The following ZNF773 variants were observed in gnomAD, a reference collection of about 807,000 sequenced individuals.
ZNF773 encodes zinc finger protein 419B.
Under a neutral mutation model 12.8 loss-of-function variants are expected in ZNF773, and 11 were observed. That is an observed-to-expected ratio of 0.86 (90% CI 0.54 to 1.42). ZNF773 has a LOEUF of 1.42. ZNF773 is among the 40% of genes most tolerant of loss of function. The pLI, the probability that ZNF773 is intolerant of heterozygous loss-of-function variation, is 0.00. For missense variants in ZNF773, 518 were observed against 527.2 expected (o/e 0.98, Z 0.17); for synonymous variants, 175 against 178.4 (o/e 0.98, Z 0.15).
At chr19:57,511,754 C>T (rs2089797893), downstream of ZNF773, among the ~76,000 whole-genome samples, 1 of 151,506 alleles carries the variant, frequency 6.6e-6, no homozygotes, top group Admixed American at 6.6e-5. Flanking sequence ...CATACACACA[C>T]TCAAAACTAA....
At chr19:57,506,282 T>TCACA in intron 3 of ZNF773, 76 bp from the exon 4 acceptor site, 1 of 1,533,882 alleles carries the variant, frequency 6.5e-7, no homozygotes, top group Non-Finnish European at 8.7e-7. Flanking sequence ...TTACCAGGTG[T>TCACA]GTCAGACACG....
rs138317120 is a variant in ZNF773, at chr19:57,500,079, C to G, written c.-2C>G. On this transcript the variant is annotated 5_prime_UTR_variant, in exon 1 of 4. Coordinates refer to ENST00000282292, the MANE Select transcript of ZNF773 (RefSeq NM_198542.3). ...GTCGTTGTCTCACCGCCACAGGCTC[C>G]GATGGCGGCGGCCACGCTGAGGGAC... is the stretch of plus-strand genomic sequence containing the variant. The G allele has an allele frequency of 1.2e-6, 2 of 1,601,894 alleles. No homozygotes were observed. The highest frequency in any genetic ancestry group is 1.7e-6 in the Non-Finnish European group (2 of 1,175,864).
downstream of ZNF773, among the ~76,000 whole-genome samples, chr19:57,508,814 G>A (rs1448741774): frequency 2.0e-5 from 3 of 146,418 alleles, no homozygotes; most frequent in Admixed American, 6.7e-5. Context: ...GTGCTTATTC[G>A]TCACACGTAT....
Position 57,506,641 on chromosome 19 carries a change from G to A in ZNF773, c.546G>A (p.Glu182=), listed in dbSNP as rs1299162717. The A allele has an allele frequency of 1.9e-6, 3 of 1,614,220 alleles. No homozygotes were observed. The highest frequency in any genetic ancestry group is 2.5e-6 in the Non-Finnish European group (3 of 1,180,046). Residue 182 remains glutamate (E), a synonymous_variant, in exon 4 of 4, where the codon GAG becomes GAA. Transcript: ENST00000282292. ...EKSHRSSKSR[E]AFHAGKRHYK... ...CACATAGGAGCTCCAAAAGTAGGGAGGCCTTTCATGCTGGAAAAAGGCATT... is the reference window on the plus strand; with the variant it reads ...CACATAGGAGCTCCAAAAGTAGGGAAGCCTTTCATGCTGGAAAAAGGCATT...
downstream of ZNF773, chr19:57,516,411 CG>C (rs1400621384): frequency 6.6e-6 from 1 of 152,574 alleles, no homozygotes; most frequent in Admixed American, 6.5e-5. Context: ...GACCGGTACT[CG>C]GGAGCAACAC....
At chr19:57,505,780 G>A (rs2089724490) in intron 3 of ZNF773, among the ~76,000 whole-genome samples, 1 of 146,728 alleles carries the variant, frequency 6.8e-6, no homozygotes, top group African/African-American at 2.6e-5. Context: ...GCGTGATCTC[G>A]GCTCACTGCA....
chr19:57,511,096 C>A (rs2089791384), downstream of ZNF773, among the ~76,000 whole-genome samples: 1 of 150,460 alleles, frequency 6.6e-6, no homozygotes, highest in African/African-American at 2.5e-5. Context: ...GTCACCCAGG[C>A]TAGCGTGCAG....
intron 1 of ZNF773, among the ~76,000 whole-genome samples, 186 bp downstream of exon 1, chr19:57,500,299 G>T (rs1228333401): frequency 1.3e-5 from 2 of 152,108 alleles, no homozygotes; most frequent in African/African-American, 4.8e-5. Context: ...CATTCAGCGA[G>T]TCCCGAACCT....
exon 5 of ZNF773, chr19:57,518,222 C>G (rs988493867): frequency 1.3e-5 from 2 of 152,210 alleles, no homozygotes; most frequent in African/African-American, 4.8e-5. Flanking sequence ...GGCAGTCATA[C>G]CCCACGTGCA....
At chr19:57,501,281 CTTTT>C (rs11456589) in intron 1 of ZNF773, among the ~76,000 whole-genome samples, 3 of 137,496 alleles carry the variant, frequency 2.2e-5, no homozygotes. Flanking sequence ...CTTTTTCTTT[CTTTT>C]TTTTTTTTTT....
intron 1 of ZNF773, 51 bp from the exon 2 acceptor site, chr19:57,504,606 T>G: frequency 6.2e-7 from 1 of 1,605,740 alleles, no homozygotes; most frequent in Non-Finnish European, 8.5e-7. Context: ...GGGGGATGCC[T>G]AAATTCCCCA....
At chr19:57,514,163 A>G (rs2089817563), downstream of ZNF773, 1 of 152,238 alleles carries the variant, frequency 6.6e-6, no homozygotes, top group East Asian at 1.9e-4. Context: ...AGTTATTCAG[A>G]GAAACAAAAC....
At position 57,500,103 on chromosome 19, in the gene ZNF773, A is replaced by G. The variant is rs2089651679; in HGVS notation, c.23A>G (p.Asp8Gly). Reference protein sequence around the residue: MAAATLRDPAQQGYVTFE... With the variant: MAAATLRGPAQQGYVTFE... ...CCGATGGCGGCGGCCACGCTGAGGG[A>G]CCCCGCTCAGGTGAGCGCCGCGTCC... The change falls in exon 1 of 4, where the codon GAC (aspartate) becomes GGC (glycine). Residue 8 changes from aspartate to glycine, a missense_variant. Transcript: ENST00000282292. 1.2e-6 allele frequency: 2 copies of G among 1,604,844 alleles called. No individual in the cohort carries two copies. The highest frequency in any genetic ancestry group is 1.7e-6 in the Non-Finnish European group (2 of 1,177,362).
chr19:57,511,059 T>TATTTATTTA (rs761932978), downstream of ZNF773, among the ~76,000 whole-genome samples: 30,156 of 148,340 alleles, frequency 0.2, 3,205 homozygotes, highest in African/African-American at 0.25. Context: ...TTATTTATTT[T>TATTTATTTA]TTTTTTTTTT....
chr19:57,506,816 C>A lies in ZNF773; in HGVS notation c.721C>A (p.His241Asn). 1 of 1,614,202 alleles carries A rather than the reference C, an allele frequency of 6.2e-7. No individual in the cohort carries two copies. Among genetic ancestry groups the A allele is most frequent in the Non-Finnish European group, 8.5e-7 (1 of 1,180,028 alleles). ...KSNLFIHQIV[H>N]TGERPYGCSD... is the part of the protein sequence containing the mutation. ...CAACCTTTTTATACACCAAATAGTT[C>A]ACACTGGAGAAAGGCCTTATGGGTG... Residue 241 changes from histidine (H) to asparagine (N), a missense_variant, in exon 4 of 4, where the codon CAC becomes AAC. Coordinates refer to ENST00000282292, the MANE Select transcript of ZNF773 (RefSeq NM_198542.3).
downstream of ZNF773, among the ~76,000 whole-genome samples, chr19:57,510,507 C>T (rs1005429741): frequency 3.9e-5 from 6 of 152,106 alleles, no homozygotes; most frequent in African/African-American, 1.4e-4. Flanking sequence ...ACATTTATCA[C>T]TTCTCATTAA....
chr19:57,506,276 C>T lies in ZNF773; in HGVS notation c.263-82C>T, dbSNP rs2089731980. The T allele has an allele frequency of 2.6e-6, 4 of 1,531,172 alleles. No individual in the cohort carries two copies. In the East Asian group the frequency reaches 6.8e-5, roughly 26 times the overall value. 94.8% of individuals were successfully genotyped at this position (1,531,172 alleles called of 1,614,324 possible). A position where few individuals can be genotyped will look rare whatever the true frequency, so the allele number is the denominator to read the frequency against. On this transcript the variant is annotated intron_variant, in intron 3 of 3. Coordinates refer to ENST00000282292, the MANE Select transcript of ZNF773 (RefSeq NM_198542.3). ...GCAAGCAGTCCCACACGCTAATTAC[C>T]AGGTGTGTCAGACACGTGTGAGAGT...
rs1268750082 is a variant in ZNF773, at chr19:57,507,285, G to A, written c.1190G>A (p.Ser397Asn). Residue 397 changes from serine (S) to asparagine (N), a missense_variant, in exon 4 of 4, where the codon AGT becomes AAT. Transcript: ENST00000282292. Reference sequence around the variant, plus strand: ...TGCAATGAATGTGGGAGATTCTTTAGTGAGAATTCCAGCCTTGTTAAACAT... The same window carrying A: ...TGCAATGAATGTGGGAGATTCTTTAATGAGAATTCCAGCCTTGTTAAACAT... Reference protein sequence around the residue: ...FKCNECGRFFSENSSLVKHQR... With the variant: ...FKCNECGRFFNENSSLVKHQR... 6.2e-7 allele frequency: 1 copy of A among 1,611,404 alleles called. No individual in the cohort carries two copies.
intron 1 of ZNF773, among the ~76,000 whole-genome samples, chr19:57,502,874 G>C (rs1283530094): frequency 6.6e-6 from 1 of 151,982 alleles, no homozygotes; most frequent in Non-Finnish European, 1.5e-5. Flanking sequence ...TGTATTTTTA[G>C]TAGAGATGGG....
Sources: gnomAD v4.1 joint callset for allele counts (sites outside exome capture counted in the v4.1 genomes callset) on GRCh38, gnomAD v4.1.1 for gene constraint, MANE v1.5 for transcripts, NCBI Gene and HGNC (gene_info 2026-07-23, HGNC 2026-07-21) for gene names.